The following IGF1R variants were observed in gnomAD, a reference collection of about 807,000 sequenced individuals.
IGF1R encodes the protein insulin-like growth factor 1 receptor.
Under a neutral mutation model 144.6 loss-of-function variants are expected in IGF1R, and 44 were observed. The ratio of observed to expected loss-of-function variants is 0.30; its 90% CI spans 0.24 to 0.39. The LOEUF is 0.39. Ranked by LOEUF, IGF1R falls within the 10% of genes least tolerant of loss-of-function variation. The pLI, the probability that IGF1R is intolerant of heterozygous loss-of-function variation, is 1.00. For missense variants in IGF1R, 1,355 were observed against 1,833.7 expected (o/e 0.74, Z 4.77); for synonymous variants, 795 against 722.8 (o/e 1.10, Z -1.60).
At chr15:98,736,755 G>C (rs556899675) in intron 2 of IGF1R, among the ~76,000 whole-genome samples, 2 of 151,936 alleles carry the variant, frequency 1.3e-5, no homozygotes, top group East Asian at 3.9e-4. Flanking sequence ...GGGATTACAG[G>C]CATCTGCCAC....
At chr15:98,924,760 TC>T in intron 13 of IGF1R, 76 bp downstream of exon 13, 11 of 1,286,038 alleles carry the variant, frequency 8.6e-6, no homozygotes, top group Non-Finnish European at 1.2e-5. Context: ...GCCCGAGTGT[TC>T]ATGGCTGTCT....
At chr15:98,851,709 G>A (rs1195394125) in intron 2 of IGF1R, among the ~76,000 whole-genome samples, 1 of 152,218 alleles carries the variant, frequency 6.6e-6, no homozygotes, top group Non-Finnish European at 1.5e-5. Flanking sequence ...AATGAGGAAT[G>A]GGTTGTGAGT....
At chr15:98,664,153 C>A (rs1422317590) in intron 1 of IGF1R, among the ~76,000 whole-genome samples, 1 of 152,162 alleles carries the variant, frequency 6.6e-6, no homozygotes, top group African/African-American at 2.4e-5. Context: ...TCTGAATTTT[C>A]AATCACGTTC....
intron 2 of IGF1R, among the ~76,000 whole-genome samples, chr15:98,819,382 C>T (rs977641041): frequency 2.6e-5 from 4 of 152,106 alleles, no homozygotes; most frequent in African/African-American, 9.7e-5. Context: ...ATATTAGGAG[C>T]TGGGGCCTTT....
chr15:98,785,897 C>G (rs2055982165), intron 2 of IGF1R, among the ~76,000 whole-genome samples: 2 of 152,080 alleles, frequency 1.3e-5, no homozygotes, highest in Admixed American at 6.5e-5. Context: ...AGCACACCTA[C>G]GTGACCACTA....
intron 2 of IGF1R, among the ~76,000 whole-genome samples, chr15:98,818,679 C>G (rs1303861742): frequency 1.3e-5 from 2 of 151,956 alleles, no homozygotes; most frequent in Non-Finnish European, 2.9e-5. Flanking sequence ...GGGGGCTGTC[C>G]TGTGTATTGC....
intron 2 of IGF1R, among the ~76,000 whole-genome samples, chr15:98,761,509 C>T (rs72769811): frequency 0.015 from 2,341 of 152,338 alleles, 33 homozygotes; most frequent in South Asian, 0.042. Context: ...TTTGCCTCCA[C>T]AGTTTGTCTG....
chr15:98,865,861 C>G (rs902853393), intron 2 of IGF1R, among the ~76,000 whole-genome samples: 1 of 152,074 alleles, frequency 6.6e-6, no homozygotes, highest in Non-Finnish European at 1.5e-5. Context: ...AGTACACACC[C>G]TAGTGTATCT....
chr15:98,923,735 G>C, intron 11 of IGF1R, 141 bp from the exon 12 acceptor site: 1 of 725,880 alleles, frequency 1.4e-6, no homozygotes, highest in Non-Finnish European at 2.5e-6. Flanking sequence ...CCGCGTGGAT[G>C]GGGGCGTTAT....
intron 1 of IGF1R, among the ~76,000 whole-genome samples, chr15:98,681,673 TG>T: frequency 6.6e-6 from 1 of 152,226 alleles, no homozygotes; most frequent in African/African-American, 2.4e-5. Context: ...TTGGGGGAGT[TG>T]TGACATGGCT....
At position 98,836,103 on chromosome 15, in the gene IGF1R, A is replaced by G. The variant is rs2057094873; in HGVS notation, c.641-55222A>G. Among the ~76,000 whole-genome samples, 3 of 152,320 alleles carry G rather than the reference A, an allele frequency of 2.0e-5. No individual in the cohort carries two copies. The South Asian group carries it at 6.2e-4, about 32-fold the overall frequency. On this transcript the variant is annotated intron_variant, in intron 2 of 20. Coordinates refer to ENST00000650285, the MANE Select transcript of IGF1R (RefSeq NM_000875.5). ...AATTATGAAATTCGTCCAGTGAGGA[A>G]AATCCGCAGAGCTAGAGCCCAAACC...
intron 2 of IGF1R, among the ~76,000 whole-genome samples, chr15:98,849,316 T>G (rs552105230): frequency 6.6e-6 from 1 of 152,364 alleles, no homozygotes; most frequent in Non-Finnish European, 1.5e-5. Flanking sequence ...TTTACTGGAT[T>G]GGGGCATGTA....
chr15:98,901,835 T>A (rs1181432440), intron 5 of IGF1R, among the ~76,000 whole-genome samples: 1 of 152,088 alleles, frequency 6.6e-6, no homozygotes, highest in African/African-American at 2.4e-5. Flanking sequence ...GAAAGGCAAT[T>A]CAAGGTAGGG....
At position 98,928,140 on chromosome 15, in the gene IGF1R, C is replaced by T. The variant is rs139747080; in HGVS notation, c.2783-1418C>T. On this transcript the variant is annotated intron_variant, in intron 13 of 20. Coordinates refer to ENST00000650285, the MANE Select transcript of IGF1R (RefSeq NM_000875.5). Reference sequence around the variant, plus strand: ...TTAAATGTCTCTGGAATCCAGCCCTCTGTCACCACCAGCACCGCCACAGCT... The same window carrying T: ...TTAAATGTCTCTGGAATCCAGCCCTTTGTCACCACCAGCACCGCCACAGCT... Among the ~76,000 whole-genome samples the T allele has an allele frequency of 3.0e-4, 46 of 152,306 alleles. No homozygotes were observed. In the East Asian group the frequency reaches 7.9e-3, roughly 26 times the overall value.
intron 2 of IGF1R, among the ~76,000 whole-genome samples, chr15:98,872,285 A>G (rs1029725999): frequency 6.6e-6 from 1 of 152,212 alleles, no homozygotes; most frequent in Admixed American, 6.5e-5. Flanking sequence ...TCTTTGCCAC[A>G]TAGCCCTCCC....
chr15:98,885,364 G>A (rs2013588832), intron 2 of IGF1R, among the ~76,000 whole-genome samples: 1 of 152,186 alleles, frequency 6.6e-6, no homozygotes, highest in Non-Finnish European at 1.5e-5. Context: ...CTGCATGTCA[G>A]TTCACCTAGA....
chr15:98,698,636 A>C (rs1036852330), intron 1 of IGF1R, among the ~76,000 whole-genome samples: 1 of 152,214 alleles, frequency 6.6e-6, no homozygotes, highest in Non-Finnish European at 1.5e-5. Flanking sequence ...CTTCCTGTGC[A>C]TGAACTAGAG....
chr15:98,851,564 C>G (rs2011529464), intron 2 of IGF1R, among the ~76,000 whole-genome samples: 1 of 151,902 alleles, frequency 6.6e-6, no homozygotes, highest in Non-Finnish European at 1.5e-5. Context: ...TCTCTGGACT[C>G]TGGCTCAGGA....
intron 2 of IGF1R, among the ~76,000 whole-genome samples, chr15:98,791,879 G>T (rs1355455699): frequency 6.6e-6 from 1 of 152,162 alleles, no homozygotes; most frequent in Non-Finnish European, 1.5e-5. Flanking sequence ...GGTTTGAAAG[G>T]GAAGAAATAG....
Sources: allele counts gnomAD v4.1 joint callset (sites outside exome capture counted in the v4.1 genomes callset), GRCh38; gene constraint gnomAD v4.1.1; transcripts MANE v1.5; gene names NCBI Gene and HGNC (gene_info 2026-07-23, HGNC 2026-07-21).